The following ST6GALNAC3 variants were observed in gnomAD, a reference collection of about 807,000 sequenced individuals.
ST6GALNAC3 encodes alpha-N-acetylgalactosaminide alpha-2,6-sialyltransferase 3.
Under a neutral mutation model 32.7 loss-of-function variants are expected in ST6GALNAC3, and 25 were observed. That is an observed-to-expected ratio of 0.76 (90% CI 0.56 to 1.07). The LOEUF is 1.07. Ranked by LOEUF, ST6GALNAC3 falls within the 50% of genes least tolerant of loss-of-function variation. The pLI is 0.00. For synonymous variants in ST6GALNAC3, 129 were observed against 133.1 expected (o/e 0.97, Z 0.21); for missense variants, 355 against 382.4 (o/e 0.93, Z 0.60).
chr1:76,494,429 G>GTGTATA (rs1434515507), intron 3 of ST6GALNAC3, among the ~76,000 whole-genome samples: 37 of 53,440 alleles, frequency 6.9e-4, no homozygotes, highest in African/African-American at 2.3e-3. Context: ...GTGTGCATGT[G>GTGTATA]TATATATATA....
chr1:76,236,208 A>G (rs924649892), intron 1 of ST6GALNAC3, among the ~76,000 whole-genome samples: 2 of 152,118 alleles, frequency 1.3e-5, no homozygotes, highest in Admixed American at 6.5e-5. Flanking sequence ...TCGGCCTCCC[A>G]AAGTGCTAGG....
intron 2 of ST6GALNAC3, among the ~76,000 whole-genome samples, chr1:76,350,088 C>T (rs6699620): frequency 6.6e-6 from 1 of 151,884 alleles, no homozygotes; most frequent in Non-Finnish European, 1.5e-5. Context: ...ATTATTCACT[C>T]AAATGCATTA....
chr1:76,557,074 C>CT (rs1196769940), intron 3 of ST6GALNAC3, among the ~76,000 whole-genome samples: 1 of 151,848 alleles, frequency 6.6e-6, no homozygotes, highest in Admixed American at 6.6e-5. Context: ...TCTAACTTCA[C>CT]TTTTTTTGCA....
chr1:76,395,547 A>G (rs1652886048), intron 2 of ST6GALNAC3, among the ~76,000 whole-genome samples: 1 of 152,148 alleles, frequency 6.6e-6, no homozygotes, highest in Admixed American at 6.5e-5. Flanking sequence ...TCTAAGTGTC[A>G]TCAGTGGCTG....
At chr1:76,422,336 A>G (rs1242168350) in intron 3 of ST6GALNAC3, among the ~76,000 whole-genome samples, 4 of 151,978 alleles carry the variant, frequency 2.6e-5, no homozygotes, top group Non-Finnish European at 4.4e-5. Flanking sequence ...TACAAGTTTA[A>G]GGCTGTTTTT....
intron 1 of ST6GALNAC3, among the ~76,000 whole-genome samples, chr1:76,188,160 G>A (rs1295431652): frequency 2.0e-5 from 3 of 152,122 alleles, no homozygotes; most frequent in Non-Finnish European, 2.9e-5. Flanking sequence ...TCAGGAGTTC[G>A]AGACCAGCCT....
intron 4 of ST6GALNAC3, among the ~76,000 whole-genome samples, chr1:76,628,163 G>A (rs967865084): frequency 2.0e-5 from 3 of 151,740 alleles, no homozygotes; most frequent in Non-Finnish European, 4.4e-5. Context: ...CCAACAATTG[G>A]CACAATATAA....
chr1:76,312,879 C>G (rs1411131242), intron 1 of ST6GALNAC3, among the ~76,000 whole-genome samples: 1 of 152,170 alleles, frequency 6.6e-6, no homozygotes, highest in Non-Finnish European at 1.5e-5. Context: ...GCTGTTTCCT[C>G]TCTCTGGAAA....
intron 1 of ST6GALNAC3, among the ~76,000 whole-genome samples, chr1:76,127,081 C>G (rs746901342): frequency 2.6e-5 from 4 of 152,216 alleles, no homozygotes; most frequent in African/African-American, 9.6e-5. Context: ...AGTTTTGAAG[C>G]AGATTTCTGG....
At chr1:76,520,714 G>A (rs1030718525) in intron 3 of ST6GALNAC3, among the ~76,000 whole-genome samples, 3 of 151,972 alleles carry the variant, frequency 2.0e-5, no homozygotes, top group African/African-American at 7.2e-5. Flanking sequence ...TCGTCCTGGT[G>A]GACGGACACC....
At chr1:76,401,284 T>C (rs1166430331) in intron 2 of ST6GALNAC3, among the ~76,000 whole-genome samples, 2 of 152,038 alleles carry the variant, frequency 1.3e-5, no homozygotes, top group African/African-American at 4.8e-5. Flanking sequence ...TTTAGCTTTA[T>C]CTAATTTGCT....
chr1:76,211,461 A>C (rs530918722), intron 1 of ST6GALNAC3, among the ~76,000 whole-genome samples: 12 of 152,322 alleles, frequency 7.9e-5, no homozygotes, highest in African/African-American at 2.6e-4. Context: ...ATTATAAAAC[A>C]TGCTTCTATA....
At chr1:76,547,269 C>T (rs1463963327) in intron 3 of ST6GALNAC3, among the ~76,000 whole-genome samples, 3 of 152,184 alleles carry the variant, frequency 2.0e-5, no homozygotes, top group Non-Finnish European at 4.4e-5. Context: ...AAAAATCAGA[C>T]AACCCATTCC....
intron 1 of ST6GALNAC3, among the ~76,000 whole-genome samples, chr1:76,204,870 G>T (rs1436437713): frequency 6.6e-6 from 1 of 152,146 alleles, no homozygotes; most frequent in African/African-American, 2.4e-5. Context: ...AATAGCCTTG[G>T]ATTCTTATAT....
intron 3 of ST6GALNAC3, among the ~76,000 whole-genome samples, chr1:76,448,260 A>G (rs1032093165): frequency 2.0e-5 from 3 of 152,144 alleles, no homozygotes; most frequent in African/African-American, 7.2e-5. Flanking sequence ...GGTTTTGGCC[A>G]ATTTCTCCTT....
At chr1:76,121,342 T>A (rs1331728264) in intron 1 of ST6GALNAC3, among the ~76,000 whole-genome samples, 1 of 152,148 alleles carries the variant, frequency 6.6e-6, no homozygotes, top group East Asian at 1.9e-4. Flanking sequence ...CCTGGGCTAT[T>A]TAAGCCAAAA....
intron 1 of ST6GALNAC3, among the ~76,000 whole-genome samples, chr1:76,083,011 C>T (rs761925489): frequency 6.6e-6 from 1 of 152,078 alleles, no homozygotes; most frequent in Non-Finnish European, 1.5e-5. Flanking sequence ...CTGGAAGGGA[C>T]TTCTCTCTGA....
intron 3 of ST6GALNAC3, chr1:76,577,114 G>C (rs980393973): frequency 1.7e-5 from 18 of 1,081,212 alleles, no homozygotes; most frequent in Admixed American, 4.4e-5. Context: ...GGAAATTGTG[G>C]TATGTGGTAT....
At chr1:76,138,334 G>A (rs935861000) in intron 1 of ST6GALNAC3, among the ~76,000 whole-genome samples, 1 of 152,236 alleles carries the variant, frequency 6.6e-6, no homozygotes, top group South Asian at 2.1e-4. Flanking sequence ...CCAGAGTGAT[G>A]TATTTCCTTG....
Sources: allele counts gnomAD v4.1 joint callset (sites outside exome capture counted in the v4.1 genomes callset), GRCh38; gene constraint gnomAD v4.1.1; transcripts MANE v1.5; gene names NCBI Gene and HGNC (gene_info 2026-07-23, HGNC 2026-07-21).